FMNL2: variants seen among roughly 807,000 people sequenced by gnomAD.
The protein encoded by FMNL2 is formin like 2, also known as formin-like protein 2.
A neutral mutation model predicts 130.2 loss-of-function variants in FMNL2; 51 were observed. That is an observed-to-expected ratio of 0.39 (90% confidence interval 0.31 to 0.49). The LOEUF is 0.49. FMNL2 is among the 20% of genes least tolerant of loss of function. FMNL2 has a pLI of 0.85. For synonymous variants in FMNL2, 465 were observed against 467.1 expected, an observed-to-expected ratio of 1.00 and a Z score of 0.06; for missense variants, 977 against 1,316.2, an observed-to-expected ratio of 0.74 and a Z score of 3.99.
intron 9 of FMNL2, among the ~76,000 whole-genome samples, chr2:152,586,734 C>G (rs1477095601): frequency 3.3e-5 from 5 of 151,886 alleles, no homozygotes. Context: ...CTTGACTGGT[C>G]CTCCTCCTTA....
intron 9 of FMNL2, among the ~76,000 whole-genome samples, chr2:152,589,847 C>A (rs1697288699): frequency 6.6e-6 from 1 of 150,598 alleles, no homozygotes; most frequent in Admixed American, 6.6e-5. Context: ...TCTACTCCCT[C>A]ACTCCTGGAC....
chr2:152,647,743 G>C, intron 25 of FMNL2, 53 bp from the exon 26 acceptor site: 2 of 1,568,806 alleles, frequency 1.3e-6, no homozygotes. Flanking sequence ...GTCCTGCTTA[G>C]ACACATGCTA....
intron 1 of FMNL2, among the ~76,000 whole-genome samples, chr2:152,479,886 C>CTT (rs199526686): frequency 4.0e-5 from 6 of 150,794 alleles, no homozygotes; most frequent in Non-Finnish European, 7.4e-5. Flanking sequence ...AATTTTTTGT[C>CTT]TTTTTTTTTG....
chr2:152,532,159 A>G (rs11678890), intron 2 of FMNL2, among the ~76,000 whole-genome samples: 33,338 of 152,172 alleles, frequency 0.22, 4,011 homozygotes, highest in Middle Eastern at 0.3. Flanking sequence ...TTAATTGACA[A>G]AGATGAATAT....
At chr2:152,550,019 G>A (rs929985707) in intron 4 of FMNL2, among the ~76,000 whole-genome samples, 6 of 152,132 alleles carry the variant, frequency 3.9e-5, no homozygotes, top group Non-Finnish European at 8.8e-5. Flanking sequence ...AGAGTATGCT[G>A]TAACATACAG....
chr2:152,581,997 A>G (rs76665279), intron 9 of FMNL2, among the ~76,000 whole-genome samples: 2,721 of 152,342 alleles, frequency 0.018, 88 homozygotes, highest in African/African-American at 0.061. Flanking sequence ...AGAACCTACT[A>G]TATGCCGGGG....
intron 6 of FMNL2, among the ~76,000 whole-genome samples, chr2:152,564,776 G>T (rs1431473558): frequency 2.4e-4 from 19 of 79,340 alleles, no homozygotes; most frequent in South Asian, 1.0e-3. Flanking sequence ...TACAAGGTTG[G>T]TTTTTTTTTT....
chr2:152,506,674 A>G (rs547675127), intron 1 of FMNL2, among the ~76,000 whole-genome samples: 20 of 152,276 alleles, frequency 1.3e-4, no homozygotes, highest in African/African-American at 4.3e-4. Flanking sequence ...GAGGTTTCCA[A>G]ACTTTTTCAG....
At chr2:152,447,233 C>A (rs976209086) in intron 1 of FMNL2, among the ~76,000 whole-genome samples, 2 of 151,646 alleles carry the variant, frequency 1.3e-5, no homozygotes, top group African/African-American at 2.4e-5. Flanking sequence ...CTCCAGTAGT[C>A]GGGATTATAG....
intron 1 of FMNL2, among the ~76,000 whole-genome samples, chr2:152,479,714 GGTT>G (rs1690370237): frequency 2.4e-5 from 3 of 125,284 alleles, no homozygotes; most frequent in Non-Finnish European, 3.1e-5. Context: ...GGATGTTGTG[GGTT>G]GTTTTTTTTT....
rs372733486 is a variant in FMNL2 at position 152,388,480 on chromosome 2, A to G, written c.117+52760A>G. ...CCATCAGATCTCATGAGAACTCACTATCTTGAGAACAGCATGAGCCTAACT... is the reference window on the plus strand; with the variant it reads ...CCATCAGATCTCATGAGAACTCACTGTCTTGAGAACAGCATGAGCCTAACT... On this transcript the variant is annotated intron_variant, in intron 1 of 25. Coordinates refer to ENST00000288670, the MANE Select transcript of FMNL2 (RefSeq NM_052905.4). Among the ~76,000 whole-genome samples, 31 of 152,234 alleles carry G rather than the reference A, an allele frequency of 2.0e-4. No individual in the cohort carries two copies. In the East Asian group the frequency reaches 2.3e-3, roughly 11 times the overall value.
intron 1 of FMNL2, among the ~76,000 whole-genome samples, chr2:152,369,546 G>C (rs1447154692): frequency 6.6e-6 from 1 of 152,224 alleles, no homozygotes; most frequent in African/African-American, 2.4e-5. Context: ...TTGTGGGTCT[G>C]GTAAGGCTGT....
rs1684891896 is a variant in FMNL2 at position 152,388,191 on chromosome 2, A to T, written c.117+52471A>T. Among the ~76,000 whole-genome samples, 3 of 152,216 alleles carry T rather than the reference A, an allele frequency of 2.0e-5. 1 individual carries two copies. In the South Asian group the frequency reaches 6.2e-4, roughly 32 times the overall value. On this transcript the variant is annotated intron_variant, in intron 1 of 25. Transcript: ENST00000288670. ...AGAGGAGGAAAATACTTGTGTACTA[A>T]GGATCAGTTTAAATGACTCAAGAAA...
intron 16 of FMNL2, among the ~76,000 whole-genome samples, chr2:152,626,102 A>T (rs1171574339): frequency 6.6e-6 from 1 of 152,094 alleles, no homozygotes; most frequent in African/African-American, 2.4e-5. Flanking sequence ...CAGTGGCGCA[A>T]CCTCGGCTCA....
intron 9 of FMNL2, among the ~76,000 whole-genome samples, chr2:152,588,342 C>G (rs975421445): frequency 1.5e-4 from 23 of 152,192 alleles, no homozygotes; most frequent in Non-Finnish European, 4.4e-5. Context: ...TGCCTTTTCT[C>G]TCTGACTTCT....
chr2:152,389,626 A>G (rs2105921922), intron 1 of FMNL2, among the ~76,000 whole-genome samples: 1 of 152,290 alleles, frequency 6.6e-6, no homozygotes, highest in South Asian at 2.1e-4. Context: ...AGTAGTGGAG[A>G]GAGCACAGGA....
chr2:152,374,328 G>A (rs1159604033), intron 1 of FMNL2, among the ~76,000 whole-genome samples: 1 of 152,054 alleles, frequency 6.6e-6, no homozygotes, highest in Non-Finnish European at 1.5e-5. Flanking sequence ...TGTGGGAGAG[G>A]GTCATGGTTA....
chr2:152,546,297 T>C (rs893680987), intron 3 of FMNL2, among the ~76,000 whole-genome samples: 1 of 152,180 alleles, frequency 6.6e-6, no homozygotes, highest in Non-Finnish European at 1.5e-5. Flanking sequence ...AGTGTGGTGC[T>C]GGCATTTGCT....
intron 1 of FMNL2, among the ~76,000 whole-genome samples, chr2:152,494,478 T>C (rs918720200): frequency 1.3e-5 from 2 of 152,216 alleles, no homozygotes; most frequent in Admixed American, 6.5e-5. Context: ...AGAGCTGATA[T>C]GTGATTGTGT....
Sources: allele counts gnomAD v4.1 joint callset (sites outside exome capture counted in the v4.1 genomes callset), GRCh38; gene constraint gnomAD v4.1.1; transcripts MANE v1.5; gene names NCBI Gene and HGNC (gene_info 2026-07-23, HGNC 2026-07-21).